The following MYO5A variants were observed in gnomAD, a reference collection of about 807,000 sequenced individuals.
The protein encoded by MYO5A is unconventional myosin-Va.
Under a neutral mutation model 249.7 loss-of-function variants are expected in MYO5A, and 98 were observed. The observed-to-expected ratio is 0.39, with a 90% CI of 0.33 to 0.46. MYO5A has a LOEUF of 0.46. Among genes scored for constraint, MYO5A ranks in the 20% least tolerant of loss-of-function variants. The pLI is 0.98. For missense variants in MYO5A, 1,696 were observed against 2,308.8 expected (o/e 0.73, Z 5.44); for synonymous variants, 778 against 810.6 (o/e 0.96, Z 0.68).
chr15:52,379,408 GT>G (rs2041615393), intron 18 of MYO5A, among the ~76,000 whole-genome samples: 1 of 152,182 alleles, frequency 6.6e-6, no homozygotes, highest in Non-Finnish European at 1.5e-5. Context: ...AGAAGAATGT[GT>G]TTCAAATGTG....
chr15:52,342,879 G>T (rs2039444594), intron 31 of MYO5A, among the ~76,000 whole-genome samples: 1 of 151,294 alleles, frequency 6.6e-6, no homozygotes, highest in Non-Finnish European at 1.5e-5. Context: ...TCGCACCACT[G>T]CACTCCAGCC....
chr15:52,461,253 A>G (rs898141429), intron 1 of MYO5A, among the ~76,000 whole-genome samples: 1 of 152,178 alleles, frequency 6.6e-6, no homozygotes, highest in African/African-American at 2.4e-5. Context: ...GTGTCGGGCC[A>G]ATAGGTATGT....
chr15:52,519,615 A>AT (rs2077570985), intron 1 of MYO5A, among the ~76,000 whole-genome samples: 3 of 61,560 alleles, frequency 4.9e-5, no homozygotes, highest in African/African-American at 1.3e-4. Context: ...TTGTCTAAAA[A>AT]AAATAATAAT....
At chr15:52,330,009 C>G (rs2038811654) in intron 35 of MYO5A, among the ~76,000 whole-genome samples, 1 of 136,322 alleles carries the variant, frequency 7.3e-6, no homozygotes. Context: ...TTTTAAAGTA[C>G]TAGACATTGC....
chr15:52,463,196 C>T (rs66870412), intron 1 of MYO5A, among the ~76,000 whole-genome samples: 22,872 of 152,168 alleles, frequency 0.15, 1,832 homozygotes, highest in Middle Eastern at 0.22. Context: ...CAAACAAAGA[C>T]TCTAAAAGAA....
intron 28 of MYO5A, among the ~76,000 whole-genome samples, chr15:52,350,665 G>A (rs1351672466): frequency 1.3e-5 from 2 of 152,164 alleles, no homozygotes; most frequent in South Asian, 2.1e-4. Context: ...GCAGCACTGG[G>A]TCTCAAATGA....
At chr15:52,406,736 T>C (rs1162396252) in intron 8 of MYO5A, among the ~76,000 whole-genome samples, 2 of 152,128 alleles carry the variant, frequency 1.3e-5, no homozygotes, top group Non-Finnish European at 2.9e-5. Flanking sequence ...AACAAGATAG[T>C]GACATCTGAG....
At chr15:52,519,085 A>G (rs539649593) in intron 1 of MYO5A, among the ~76,000 whole-genome samples, 1 of 152,346 alleles carries the variant, frequency 6.6e-6, no homozygotes, top group East Asian at 1.9e-4. Context: ...AGAACAGAAG[A>G]CAGACTACCA....
intron 1 of MYO5A, among the ~76,000 whole-genome samples, chr15:52,496,643 C>T (rs986164909): frequency 3.3e-5 from 5 of 152,124 alleles, no homozygotes; most frequent in South Asian, 2.1e-4. Context: ...TCATGAAGGA[C>T]GCAGGCCCTC....
In MYO5A at chr15:52,400,319, T is replaced by C. The variant is rs571739798; in HGVS notation, c.1054-2853A>G. Among the ~76,000 whole-genome samples, 6 of 152,308 alleles carry C rather than the reference T, an allele frequency of 3.9e-5. No individual in the cohort carries two copies. In the East Asian group the frequency reaches 1.2e-3, roughly 29 times the overall value. On this transcript the variant is annotated intron_variant, in intron 9 of 41. Transcript: ENST00000399233. ...TATCCAATACTTTAGTTCTACCTTT[T>C]GTGTGAGGGGGCAGGGTAGGGGACT...
chr15:52,375,601 C>T (rs1237171993), intron 19 of MYO5A, 141 bp from the exon 20 acceptor site: 3 of 912,880 alleles, frequency 3.3e-6, no homozygotes, highest in Non-Finnish European at 5.1e-6. Flanking sequence ...CATGCTAAGT[C>T]AACATTTATA....
intron 1 of MYO5A, among the ~76,000 whole-genome samples, chr15:52,436,102 A>G (rs1168546048): frequency 6.6e-6 from 1 of 152,062 alleles, no homozygotes; most frequent in African/African-American, 2.4e-5. Flanking sequence ...TTGTTGTTGT[A>G]TTTTTAGTAG....
chr15:52,403,545 GAA>G (rs1375247833), intron 9 of MYO5A, among the ~76,000 whole-genome samples: 1 of 152,154 alleles, frequency 6.6e-6, no homozygotes, highest in Non-Finnish European at 1.5e-5. Flanking sequence ...TAGGGGTAGG[GAA>G]ATAGACACAT....
At chr15:52,437,050 T>C (rs1157661041) in intron 1 of MYO5A, among the ~76,000 whole-genome samples, 1 of 152,226 alleles carries the variant, frequency 6.6e-6, no homozygotes, top group Non-Finnish European at 1.5e-5. Context: ...TGTTACTGTT[T>C]TTCCCATAGG....
At chr15:52,526,563 G>A (rs545336462) in intron 1 of MYO5A, among the ~76,000 whole-genome samples, 2 of 152,222 alleles carry the variant, frequency 1.3e-5, no homozygotes, top group South Asian at 4.1e-4. Flanking sequence ...GTTTTGCCAT[G>A]TTGGTCAAGA....
chr15:52,310,619 GAGGA>G lies in MYO5A; in HGVS notation c.*3073_*3076del, dbSNP rs1295950945. 4.6e-5 allele frequency: 7 copies of G among 152,340 alleles called. No homozygotes were observed. Among genetic ancestry groups the G allele is most frequent in the African/African-American group, 1.7e-4 (7 of 41,466 alleles). The allele number at this position is 152,340 out of a possible 1,614,324, so 9.4% of individuals were successfully genotyped here. The stretch of plus-strand genomic sequence containing the variant: ...ACCAGGAAGGCCAGCAGGGGCAACT[GAGGA>G]CTGACTCCATCCACCTGCCTTCAGT... On this transcript the variant is annotated 3_prime_UTR_variant, in exon 42 of 42. Coordinates refer to ENST00000399233, the MANE Select transcript of MYO5A (RefSeq NM_001382347.1).
At position 52,312,921 on chromosome 15, in the gene MYO5A, C is replaced by G. The variant is rs984236718; in HGVS notation, c.*775G>C. 5.9e-5 allele frequency: 9 copies of G among 152,496 alleles called. No individual in the cohort carries two copies. The highest frequency in any genetic ancestry group is 1.9e-4 in the African/African-American group (8 of 41,446). The allele number at this position is 152,496 out of a possible 1,614,324, so 9.4% of individuals were successfully genotyped here. On this transcript the variant is annotated 3_prime_UTR_variant, in exon 42 of 42. Coordinates refer to ENST00000399233, the MANE Select transcript of MYO5A (RefSeq NM_001382347.1). ...TTACTACATGACTTTCCAGTGTCTG[C>G]TACTTGTGCAGGTGAATCTGTAGGT...
chr15:52,475,550 C>CTT (rs1447869675), intron 1 of MYO5A, among the ~76,000 whole-genome samples: 3 of 152,190 alleles, frequency 2.0e-5, no homozygotes, highest in Admixed American at 2.0e-4. Context: ...CCTCTACACA[C>CTT]TGCTTTGAAT....
intron 1 of MYO5A, among the ~76,000 whole-genome samples, chr15:52,501,677 G>GT (rs927404737): frequency 5.3e-5 from 8 of 151,830 alleles, no homozygotes; most frequent in African/African-American, 1.5e-4. Flanking sequence ...GAAAATATTT[G>GT]TTTTTTTCTG....
Sources: gnomAD v4.1 joint callset for allele counts (sites outside exome capture counted in the v4.1 genomes callset) on GRCh38, gnomAD v4.1.1 for gene constraint, MANE v1.5 for transcripts, NCBI Gene and HGNC (gene_info 2026-07-23, HGNC 2026-07-21) for gene names.